Variants in LRCH1 observed in about 807,000 individuals in gnomAD.
LRCH1 encodes leucine rich repeats and calponin homology domain containing 1.
In LRCH1, 23 loss-of-function variants were observed where a neutral mutation model predicts 94.9. That is an observed-to-expected ratio of 0.24 (90% CI 0.17 to 0.34). LRCH1 has a LOEUF of 0.34. Ranked by LOEUF, LRCH1 falls within the 10% of genes least tolerant of loss-of-function variation. LRCH1 has a pLI of 1.00. For missense variants in LRCH1, 790 were observed against 945.9 expected, an observed-to-expected ratio of 0.84 and a Z score of 2.16; for synonymous variants, 364 against 354.9, an observed-to-expected ratio of 1.03 and a Z score of -0.29.
intron 1 of LRCH1, among the ~76,000 whole-genome samples, chr13:46,578,676 T>C (rs1276799725): frequency 6.6e-6 from 1 of 152,214 alleles, no homozygotes; most frequent in East Asian, 1.9e-4. Context: ...CTGAAACAGC[T>C]TAGCAACTGG....
At chr13:46,737,808 A>G (rs558041037) in intron 19 of LRCH1, among the ~76,000 whole-genome samples, 2 of 152,334 alleles carry the variant, frequency 1.3e-5, no homozygotes, top group Admixed American at 1.3e-4. Flanking sequence ...CCTGGTAGGT[A>G]CAGTTCATGG....
intron 2 of LRCH1, among the ~76,000 whole-genome samples, chr13:46,664,388 A>G (rs541455610): frequency 6.6e-6 from 1 of 152,186 alleles, no homozygotes. Context: ...TCTGAGCATA[A>G]CACATTACCC....
At chr13:46,641,594 A>C (rs2051158413) in intron 1 of LRCH1, among the ~76,000 whole-genome samples, 1 of 152,056 alleles carries the variant, frequency 6.6e-6, no homozygotes, top group South Asian at 2.1e-4. Context: ...TCAAGATGAG[A>C]TCTTCTCTTC....
chr13:46,736,783 A>C (rs549462315), intron 19 of LRCH1, among the ~76,000 whole-genome samples: 6 of 152,298 alleles, frequency 3.9e-5, no homozygotes, highest in African/African-American at 1.2e-4. Flanking sequence ...CAGAGATCTT[A>C]AGTTCTGCAT....
At chr13:46,746,371 G>A (rs536950830), downstream of LRCH1, among the ~76,000 whole-genome samples, 6 of 152,256 alleles carry the variant, frequency 3.9e-5, no homozygotes, top group African/African-American at 1.2e-4. Flanking sequence ...TTCCAATGTC[G>A]TTTGCTGTGG....
chr13:46,642,115 C>G (rs557039911), intron 1 of LRCH1, among the ~76,000 whole-genome samples: 34 of 152,188 alleles, frequency 2.2e-4, no homozygotes, highest in Non-Finnish European at 4.4e-4. Flanking sequence ...ATGGAGGATA[C>G]GTGGCACTAA....
chr13:46,673,150 C>G (rs1327891629), intron 3 of LRCH1, among the ~76,000 whole-genome samples: 2 of 151,994 alleles, frequency 1.3e-5, no homozygotes, highest in South Asian at 2.1e-4. Context: ...CATGCTAAGT[C>G]TTTGAAATCC....
At chr13:46,636,628 T>C (rs933137082) in intron 1 of LRCH1, among the ~76,000 whole-genome samples, 3 of 152,126 alleles carry the variant, frequency 2.0e-5, no homozygotes, top group African/African-American at 7.2e-5. Context: ...ACATTCCCCC[T>C]CCACCACTTT....
In LRCH1 at chr13:46,723,334, C is replaced by T. The variant is rs1166753558; in HGVS notation, c.1869+4C>T. 6.4e-7 allele frequency: 1 copy of T among 1,569,128 alleles called. No homozygotes were observed. Among genetic ancestry groups the T allele is most frequent in the East Asian group, 2.2e-5 (1 of 44,642 alleles). On this transcript the variant is annotated splice_donor_region_variant and intron_variant, in intron 17 of 19. Coordinates refer to ENST00000389797, the MANE Select transcript of LRCH1 (RefSeq NM_001164211.2). ...GCTGGTGGAACAACTTCGTGAGGTACCCAAGAAATATTATGTAACTAAAGG... is the reference window on the plus strand; with the variant it reads ...GCTGGTGGAACAACTTCGTGAGGTATCCAAGAAATATTATGTAACTAAAGG...
At chr13:46,722,196 C>T (rs185708389) in intron 16 of LRCH1, among the ~76,000 whole-genome samples, 82 of 152,164 alleles carry the variant, frequency 5.4e-4, no homozygotes, top group African/African-American at 1.9e-3. Context: ...TTCAGTACAC[C>T]ATGCAGCCTT....
intron 4 of LRCH1, 147 bp from the exon 5 acceptor site, chr13:46,685,758 T>C (rs1870574688): frequency 3.6e-6 from 2 of 560,116 alleles, no homozygotes; most frequent in Admixed American, 3.7e-5. Context: ...ACACACACCA[T>C]GTATTCCTAA....
chr13:46,627,473 TC>T (rs1046420317), intron 1 of LRCH1, among the ~76,000 whole-genome samples: 242 of 5,684 alleles, frequency 0.043, no homozygotes, highest in African/African-American at 0.41. Flanking sequence ...GATAAAAAAA[TC>T]GAGAAGTTGA....
chr13:46,586,900 G>T (rs781387603), intron 1 of LRCH1, among the ~76,000 whole-genome samples: 2 of 152,126 alleles, frequency 1.3e-5, no homozygotes, highest in Non-Finnish European at 2.9e-5. Flanking sequence ...GCACAGATGC[G>T]GTTCATTTCA....
In LRCH1 at chr13:46,675,740, G is replaced by A. The variant is rs116004938; in HGVS notation, c.580-6001G>A. Reference sequence around the variant, plus strand: ...TTGTCCATTCATTGTCTCTGGAGGCGCCTCCTAACCTCTGGTTTCTGTGGG... The same window carrying A: ...TTGTCCATTCATTGTCTCTGGAGGCACCTCCTAACCTCTGGTTTCTGTGGG... On this transcript the variant is annotated intron_variant, in intron 3 of 19. Transcript: ENST00000389797. Among the ~76,000 whole-genome samples the A allele has an allele frequency of 2.4e-3, 367 of 152,214 alleles. 1 individual carries two copies. The highest frequency in any genetic ancestry group is 8.4e-3 in the African/African-American group (347 of 41,540).
Position 46,743,353 on chromosome 13 carries a change from C to T in LRCH1, c.*1505C>T. On this transcript the variant is annotated 3_prime_UTR_variant, in exon 20 of 20. Transcript: ENST00000389797. ...ATTTGCTAACAGGAAGCATTCTTTA[C>T]ATGACAGTATCTTGAGTTATGTGAG... 1.0e-6 allele frequency: 1 copy of T among 985,874 alleles called. No homozygotes were observed. The highest frequency in any genetic ancestry group is 1.2e-6 in the Non-Finnish European group (1 of 829,928). The allele number at this position is 985,874 out of a possible 1,614,324, so 61.1% of individuals were successfully genotyped here.
intron 1 of LRCH1, among the ~76,000 whole-genome samples, chr13:46,617,747 A>G (rs2050828236): frequency 6.6e-6 from 1 of 152,260 alleles, no homozygotes; most frequent in Admixed American, 6.5e-5. Context: ...GAGAATGAGA[A>G]AACTCTTCTC....
At chr13:46,748,249 CT>C (rs1873987966), downstream of LRCH1, among the ~76,000 whole-genome samples, 1 of 150,368 alleles carries the variant, frequency 6.7e-6, no homozygotes, top group Non-Finnish European at 1.5e-5. Context: ...AAATATTCAC[CT>C]TTATGTTATT....
intron 1 of LRCH1, among the ~76,000 whole-genome samples, chr13:46,616,755 A>G (rs954110804): frequency 1.3e-5 from 2 of 152,328 alleles, no homozygotes; most frequent in Admixed American, 6.5e-5. Context: ...TGTGAGCAAC[A>G]TGGCTGTTTA....
rs1873664429 is a variant in LRCH1 at position 46,741,708 on chromosome 13, ACT to A, written c.2155_2156del (p.Leu719AlafsTer92). The stretch of plus-strand genomic sequence containing the variant: ...TCGTCACATTCGAAAGACTGTTGAC[ACT>A]CTGCTGGCACTCGGGGAGAAAGCCC... ...DFRHIRKTVD[T>X]LLALGEKAPP... is the part of the protein sequence containing the mutation. On this transcript the variant is annotated frameshift_variant, in exon 20 of 20. Transcript: ENST00000389797. LOFTEE classifies it high-confidence loss of function. 2.5e-6 allele frequency: 4 copies of A among 1,614,010 alleles called. No homozygotes were observed. The highest frequency in any genetic ancestry group is 3.4e-6 in the Non-Finnish European group (4 of 1,180,034).
Sources: allele counts gnomAD v4.1 joint callset (sites outside exome capture counted in the v4.1 genomes callset), GRCh38; gene constraint gnomAD v4.1.1; transcripts MANE v1.5; gene names NCBI Gene and HGNC (gene_info 2026-07-23, HGNC 2026-07-21).